Variants in RPRD1A observed in about 807,000 individuals in gnomAD.
The protein encoded by RPRD1A is regulation of nuclear pre-mRNA domain-containing protein 1A.
A neutral mutation model predicts 37.8 loss-of-function variants in RPRD1A; 9 were observed. The observed-to-expected ratio is 0.24, with a 90% CI of 0.14 to 0.42. The LOEUF (loss-of-function observed/expected upper bound fraction) is 0.42. RPRD1A is among the 10% of genes least tolerant of loss of function. The pLI is 1.00. For synonymous variants in RPRD1A, 138 were observed against 139.7 expected (o/e 0.99, Z 0.08); for missense variants, 255 against 371.0 (o/e 0.69, Z 2.57).
intron 1 of RPRD1A, chr18:36,064,089 G>A (rs2088968838): frequency 6.6e-6 from 1 of 152,236 alleles, no homozygotes; most frequent in Admixed American, 6.5e-5. Context: ...AGGTGACAAC[G>A]TCCTAGCAGC....
At chr18:36,053,866 A>G (rs907786050) in intron 1 of RPRD1A, among the ~76,000 whole-genome samples, 1 of 152,112 alleles carries the variant, frequency 6.6e-6, no homozygotes, top group Non-Finnish European at 1.5e-5. Context: ...AAACAACAAC[A>G]AAAAAAGCTG....
rs1339670902 is a variant in RPRD1A at position 35,993,001 on chromosome 18, CCAA to C, written c.*147_*149del. 9 of 608,410 alleles carry C rather than the reference CCAA, an allele frequency of 1.5e-5. No homozygotes were observed. Among genetic ancestry groups the C allele is most frequent in the Non-Finnish European group, 2.3e-5 (9 of 399,908 alleles). The allele number at this position is 608,410 out of a possible 1,614,324, so 37.7% of individuals were successfully genotyped here. A position where few individuals can be genotyped will look rare whatever the true frequency, so the allele number is the denominator to read the frequency against. The stretch of plus-strand genomic sequence containing the variant: ...ATTTACCAATAAAATAGTAAACAAA[CCAA>C]CATTTTAAACAATTTTATAAATTAC... On this transcript the variant is annotated 3_prime_UTR_variant, in exon 7 of 7. Coordinates refer to ENST00000399022, the MANE Select transcript of RPRD1A (RefSeq NM_018170.5).
intron 2 of RPRD1A, among the ~76,000 whole-genome samples, chr18:36,032,861 A>G (rs1228673699): frequency 6.6e-6 from 1 of 152,178 alleles, no homozygotes; most frequent in Non-Finnish European, 1.5e-5. Flanking sequence ...AATGTTTGAG[A>G]CGCATACAAG....
intron 2 of RPRD1A, among the ~76,000 whole-genome samples, chr18:36,031,829 T>C (rs957414252): frequency 6.6e-6 from 1 of 152,196 alleles, no homozygotes; most frequent in Admixed American, 6.5e-5. Context: ...CTCCAAGAGC[T>C]ACCAATCACA....
chr18:36,052,529 T>G (rs1042920383), intron 1 of RPRD1A, among the ~76,000 whole-genome samples: 1 of 152,046 alleles, frequency 6.6e-6, no homozygotes, highest in African/African-American at 2.4e-5. Context: ...TGTGATAACA[T>G]AAAAGGAGGA....
intron 6 of RPRD1A, among the ~76,000 whole-genome samples, chr18:36,011,049 A>C (rs944949241): frequency 2.6e-5 from 4 of 152,162 alleles, no homozygotes; most frequent in African/African-American, 9.7e-5. Flanking sequence ...AAACTACATA[A>C]TTTCACTGGT....
At chr18:36,029,609 G>C (rs1450247975) in intron 4 of RPRD1A, among the ~76,000 whole-genome samples, 1 of 134,770 alleles carries the variant, frequency 7.4e-6, no homozygotes, top group African/African-American at 2.8e-5. Context: ...GAAGCTTAAA[G>C]ACTCAATGCC....
intron 1 of RPRD1A, among the ~76,000 whole-genome samples, chr18:36,062,305 C>T (rs1412684372): frequency 1.7e-5 from 2 of 114,866 alleles, no homozygotes; most frequent in Non-Finnish European, 3.2e-5. Context: ...GCCTGGGCGA[C>T]AGAGCGAGAC....
intron 6 of RPRD1A, among the ~76,000 whole-genome samples, chr18:36,022,438 C>A (rs1361788370): frequency 6.6e-6 from 1 of 152,144 alleles, no homozygotes; most frequent in South Asian, 2.1e-4. Context: ...GAAATAAATG[C>A]CTGCCTTCAA....
At chr18:36,060,865 G>A (rs535959324) in intron 1 of RPRD1A, among the ~76,000 whole-genome samples, 13 of 152,116 alleles carry the variant, frequency 8.5e-5, no homozygotes, top group African/African-American at 2.4e-4. Context: ...ATGGTAGTGT[G>A]CACCTGTAGT....
chr18:36,010,121 T>C (rs1015153668), intron 6 of RPRD1A, among the ~76,000 whole-genome samples: 1 of 152,264 alleles, frequency 6.6e-6, no homozygotes, highest in African/African-American at 2.4e-5. Context: ...TACTGTTTTA[T>C]GTAATTCTTT....
intron 6 of RPRD1A, among the ~76,000 whole-genome samples, chr18:36,014,234 AC>A (rs1390397202): frequency 6.6e-6 from 1 of 152,242 alleles, no homozygotes; most frequent in Non-Finnish European, 1.5e-5. Context: ...AGAAGATAGA[AC>A]AGACTACTCT....
chr18:36,031,198 T>C, intron 2 of RPRD1A, 101 bp from the exon 3 acceptor site: 8 of 1,354,008 alleles, frequency 5.9e-6, no homozygotes, highest in Non-Finnish European at 7.7e-6. Flanking sequence ...CAGACATTCA[T>C]TCCCTGGAAA....
At chr18:36,052,540 C>CGT (rs1913473222) in intron 1 of RPRD1A, among the ~76,000 whole-genome samples, 1 of 151,892 alleles carries the variant, frequency 6.6e-6, no homozygotes, top group South Asian at 2.1e-4. Flanking sequence ...AAAAGGAGGA[C>CGT]AGGGCTATAG....
At chr18:36,058,819 T>C (rs1913970838) in intron 1 of RPRD1A, among the ~76,000 whole-genome samples, 1 of 152,212 alleles carries the variant, frequency 6.6e-6, no homozygotes, top group African/African-American at 2.4e-5. Flanking sequence ...TTTGCCTTTT[T>C]TCACTCTCAT....
Position 36,067,432 on chromosome 18 carries a change from CACGCGGTGG to C in RPRD1A, c.-37_-29del. On this transcript the variant is annotated 5_prime_UTR_variant, in exon 1 of 7. Transcript: ENST00000399022. ...CTCCGACACCACGTTCACGCCGTCCCACGCGGTGGGGCCGAGGGGAGGAGAGTTTCGCCG... is the reference window on the plus strand; with the variant it reads ...CTCCGACACCACGTTCACGCCGTCCCGGCCGAGGGGAGGAGAGTTTCGCCG... 6.3e-7 allele frequency: 1 copy of C among 1,595,538 alleles called. No homozygotes were observed. Among genetic ancestry groups the C allele is most frequent in the Non-Finnish European group, 8.5e-7 (1 of 1,170,752 alleles).
In RPRD1A at chr18:36,031,099, T is replaced by TA. The variant is rs377216293; in HGVS notation, c.282-3dup. On this transcript the variant is annotated splice_polypyrimidine_tract_variant and splice_region_variant and intron_variant, in intron 2 of 6. Coordinates refer to ENST00000399022, the MANE Select transcript of RPRD1A (RefSeq NM_018170.5). ...TTCTTACAACTTTCATCAGTTTCAC[T>TA]AAAAAAAAAAAAAAAGAAAAAAAGA... 46,446 of 1,343,138 alleles carry TA rather than the reference T, an allele frequency of 0.035. 7 individuals carry two copies. Among genetic ancestry groups the TA allele is most frequent in the South Asian group, 0.048 (2,968 of 62,192 alleles). 83.2% of individuals were successfully genotyped at this position (1,343,138 alleles called of 1,614,324 possible).
chr18:36,002,823 C>A (rs773768216), intron 6 of RPRD1A, among the ~76,000 whole-genome samples: 3 of 152,018 alleles, frequency 2.0e-5, no homozygotes, highest in Non-Finnish European at 2.9e-5. Context: ...GTAAACAAGT[C>A]AATAGTTTAA....
At chr18:36,063,278 G>C (rs759391784) in intron 1 of RPRD1A, among the ~76,000 whole-genome samples, 2 of 152,184 alleles carry the variant, frequency 1.3e-5, no homozygotes, top group Admixed American at 6.5e-5. Context: ...AACCTCTTGG[G>C]CTCAAGTGAC....
Sources: allele counts gnomAD v4.1 joint callset (sites outside exome capture counted in the v4.1 genomes callset), GRCh38; gene constraint gnomAD v4.1.1; transcripts MANE v1.5; gene names NCBI Gene and HGNC (gene_info 2026-07-23, HGNC 2026-07-21).